Variants in ANP32B observed in about 807,000 individuals in gnomAD.
ANP32B encodes acidic leucine-rich nuclear phosphoprotein 32 family member B.
ANP32B carries 6 observed loss-of-function variants against 32.2 expected under a neutral mutation model. The ratio of observed to expected loss-of-function variants is 0.19; its 90% CI spans 0.10 to 0.37. The LOEUF is 0.37. ANP32B is among the 10% of genes least tolerant of loss of function. The pLI, the probability that ANP32B is intolerant of heterozygous loss-of-function variation, is 1.00. For synonymous variants in ANP32B, 98 were observed against 105.8 expected (o/e 0.93, Z 0.45); for missense variants, 204 against 289.2 (o/e 0.71, Z 2.14).
At chr9:97,988,674 AAGATAACACC>A (rs1827776740) in intron 1 of ANP32B, among the ~76,000 whole-genome samples, 1 of 152,206 alleles carries the variant, frequency 6.6e-6, no homozygotes, top group Non-Finnish European at 1.5e-5. Flanking sequence ...GCAGTGAGCC[AAGATAACACC>A]ACTTCACTCC....
intron 1 of ANP32B, among the ~76,000 whole-genome samples, chr9:97,984,369 C>T (rs766011908): frequency 4.2e-4 from 64 of 151,606 alleles, no homozygotes; most frequent in Middle Eastern, 6.8e-3. Context: ...TCTCTCGCTC[C>T]CTCTTCGCCC....
intron 6 of ANP32B, among the ~76,000 whole-genome samples, chr9:98,012,979 C>T (rs1242026986): frequency 6.6e-6 from 1 of 152,254 alleles, no homozygotes; most frequent in African/African-American, 2.4e-5. Flanking sequence ...GTCCACCCGC[C>T]TCAGCCTCCC....
chr9:98,007,325 A>G (rs1828102943), intron 4 of ANP32B, among the ~76,000 whole-genome samples: 1 of 152,226 alleles, frequency 6.6e-6, no homozygotes, highest in Non-Finnish European at 1.5e-5. Context: ...AAAAGGTGGC[A>G]CATGTTCCTC....
chr9:97,986,809 G>A (rs1827742618), intron 1 of ANP32B: 1 of 152,194 alleles, frequency 6.6e-6, no homozygotes, highest in Admixed American at 6.5e-5. Context: ...TGTATGAACA[G>A]GATGCCCTGA....
intron 5 of ANP32B, among the ~76,000 whole-genome samples, chr9:98,012,097 A>G (rs1828195267): frequency 6.6e-6 from 1 of 152,226 alleles, no homozygotes; most frequent in Non-Finnish European, 1.5e-5. Flanking sequence ...TATGAATGGG[A>G]TATAGAAATT....
intron 1 of ANP32B, among the ~76,000 whole-genome samples, chr9:97,989,465 A>G (rs1368049484): frequency 2.0e-5 from 3 of 152,130 alleles, no homozygotes; most frequent in Non-Finnish European, 4.4e-5. Flanking sequence ...TTTGGCCCCA[A>G]AAGTTAAACT....
chr9:98,011,497 T>C, intron 5 of ANP32B, 108 bp downstream of exon 5: 2 of 1,417,690 alleles, frequency 1.4e-6, no homozygotes, highest in South Asian at 1.5e-5. Flanking sequence ...AAGAAATTAG[T>C]ATACCTGTGA....
At chr9:98,009,539 G>A (rs1253380665) in intron 4 of ANP32B, among the ~76,000 whole-genome samples, 7 of 152,224 alleles carry the variant, frequency 4.6e-5, no homozygotes. Context: ...CATAAGGAAT[G>A]CACAGTCCAG....
intron 4 of ANP32B, among the ~76,000 whole-genome samples, chr9:98,009,958 A>T (rs1828151693): frequency 1.3e-5 from 2 of 152,238 alleles, no homozygotes; most frequent in East Asian, 1.9e-4. Flanking sequence ...AGAATAGGAC[A>T]TCTCACTTAT....
chr9:98,011,288 G>C lies in ANP32B; in HGVS notation c.535G>C (p.Asp179His). 1 of 1,550,616 alleles carries C rather than the reference G, an allele frequency of 6.4e-7. No individual in the cohort carries two copies. The highest frequency in any genetic ancestry group is 8.7e-7 in the Non-Finnish European group (1 of 1,145,728). Residue 179 changes from aspartate to histidine, a missense_variant, in exon 5 of 7, where the codon GAC becomes CAC. Transcript: ENST00000339399. ...EEDEEGEDEEDEDDEDGEEEE... is the reference protein window; with the variant it reads ...EEDEEGEDEEHEDDEDGEEEE... ...ATTTTTAGAAGGAGAAGATGAGGAAGACGAGGACGATGAGGATGGTGAAGA... is the reference window on the plus strand; with the variant it reads ...ATTTTTAGAAGGAGAAGATGAGGAACACGAGGACGATGAGGATGGTGAAGA...
intron 6 of ANP32B, 118 bp downstream of exon 6, chr9:98,012,590 C>A: frequency 7.1e-7 from 1 of 1,402,078 alleles, no homozygotes. Context: ...TGGTGGTTTA[C>A]ACATTCACAT....
chr9:98,002,656 T>C (rs920132299), intron 3 of ANP32B, among the ~76,000 whole-genome samples: 1 of 152,208 alleles, frequency 6.6e-6, no homozygotes, highest in African/African-American at 2.4e-5. Context: ...AACTACTGAT[T>C]GGCATGTCCA....
chr9:97,988,154 TAC>T (rs1827768256), intron 1 of ANP32B, among the ~76,000 whole-genome samples: 1 of 151,828 alleles, frequency 6.6e-6, no homozygotes, highest in African/African-American at 2.4e-5. Context: ...AGAAAAAAAA[TAC>T]AGTCAACATC....
At chr9:98,013,296 G>A (rs1014285698) in intron 6 of ANP32B, among the ~76,000 whole-genome samples, 34 of 152,260 alleles carry the variant, frequency 2.2e-4, no homozygotes, top group African/African-American at 7.5e-4. Flanking sequence ...CAAATTACTC[G>A]GATTACAGGT....
chr9:98,009,500 G>A (rs1170963799), intron 4 of ANP32B, among the ~76,000 whole-genome samples: 1 of 152,204 alleles, frequency 6.6e-6, no homozygotes, highest in Non-Finnish European at 1.5e-5. Flanking sequence ...GGATGAAACG[G>A]TTCCACCTTA....
intron 3 of ANP32B, among the ~76,000 whole-genome samples, chr9:98,004,256 A>T (rs1828040836): frequency 6.6e-6 from 1 of 152,226 alleles, no homozygotes; most frequent in Non-Finnish European, 1.5e-5. Context: ...CAAAATTTCA[A>T]GGTATGGTAA....
At chr9:97,994,896 C>A in intron 2 of ANP32B, 116 bp downstream of exon 2, 4 of 1,002,888 alleles carry the variant, frequency 4.0e-6, no homozygotes, top group East Asian at 5.4e-5. Context: ...TGGAACTGGG[C>A]AGATATGGGA....
chr9:97,983,598 A>C lies in ANP32B; in HGVS notation c.43A>C (p.Thr15Pro). ...GATCCACCTGGAGCTGAGGAACCGG[A>C]CCCCGGCAGCTGTAAGCAGAGACCC... Reference protein sequence around the residue: ...RRIHLELRNRTPAAVRELVLD... With the variant: ...RRIHLELRNRPPAAVRELVLD... The change falls in exon 1 of 7, where the codon ACC becomes CCC. Residue 15 changes from threonine to proline, a missense_variant. Physicochemically the swap from Thr to Pro is conservative, Grantham distance 38. Coordinates refer to ENST00000339399, the MANE Select transcript of ANP32B (RefSeq NM_006401.3). The C allele has an allele frequency of 1.9e-6, 3 of 1,581,660 alleles. No individual in the cohort carries two copies. The highest frequency in any genetic ancestry group is 2.6e-6 in the Non-Finnish European group (3 of 1,164,940).
intron 1 of ANP32B, among the ~76,000 whole-genome samples, chr9:97,984,970 C>A (rs552415353): frequency 6.6e-6 from 1 of 150,900 alleles, no homozygotes; most frequent in East Asian, 2.0e-4. Flanking sequence ...GGCCTGAGGG[C>A]GGCCCTCTTG....
Sources: allele counts gnomAD v4.1 joint callset (sites outside exome capture counted in the v4.1 genomes callset), GRCh38; gene constraint gnomAD v4.1.1; transcripts MANE v1.5; gene names NCBI Gene and HGNC (gene_info 2026-07-23, HGNC 2026-07-21).